The following TIAM2 variants were observed in gnomAD, a reference collection of about 807,000 sequenced individuals.
TIAM2 encodes rho guanine nucleotide exchange factor TIAM2.
TIAM2 carries 80 observed loss-of-function variants against 152.9 expected under a neutral mutation model. The observed-to-expected ratio is 0.52, with a 90% CI of 0.44 to 0.63. TIAM2 has a LOEUF of 0.63. Among genes scored for constraint, TIAM2 ranks in the 30% least tolerant of loss-of-function variants. The pLI is 0.00. For missense variants in TIAM2, 1,965 were observed against 2,120.1 expected, an observed-to-expected ratio of 0.93 and a Z score of 1.44; for synonymous variants, 804 against 838.0, an observed-to-expected ratio of 0.96 and a Z score of 0.70.
At chr6:155,063,106 T>C (rs1261879050) in intron 1 of TIAM2, among the ~76,000 whole-genome samples, 1 of 151,826 alleles carries the variant, frequency 6.6e-6, no homozygotes, top group Non-Finnish European at 1.5e-5. Flanking sequence ...TATTTTCTCC[T>C]AGTATGTGAC....
intron 1 of TIAM2, among the ~76,000 whole-genome samples, chr6:155,078,363 A>C (rs2114963149): frequency 6.6e-6 from 1 of 152,222 alleles, no homozygotes; most frequent in Non-Finnish European, 1.5e-5. Flanking sequence ...CACTTTAATG[A>C]AAAAAGCACA....
intron 15 of TIAM2, among the ~76,000 whole-genome samples, chr6:155,226,632 T>C (rs560026604): frequency 7.8e-6 from 1 of 128,254 alleles, no homozygotes; most frequent in Non-Finnish European, 1.5e-5. Context: ...GCCACTGCAC[T>C]CCAGCCTGAG....
At position 155,214,613 on chromosome 6, in the gene TIAM2, A is replaced by T. The variant is rs1241874609; in HGVS notation, c.3168+3306A>T. 6.6e-6 allele frequency among the ~76,000 whole-genome samples: 1 copy of T among 152,178 alleles called. No homozygotes were observed. The highest frequency in any genetic ancestry group is 6.5e-5 in the Admixed American group (1 of 15,280). ...TTCGCTGGCCTGGTTATGTCCCAGG[A>T]TGCAAGTTATTTTACAAAACTGAAA... On this transcript the variant is annotated intron_variant, in intron 15 of 26. Coordinates refer to ENST00000682666, the MANE Select transcript of TIAM2 (RefSeq NM_012454.4). This position sits in a 1 kb window ranked among gnomAD's most constrained non-coding sequence, Gnocchi z 5.4.
chr6:155,066,124 A>T (rs1013701063), intron 1 of TIAM2, among the ~76,000 whole-genome samples: 1 of 150,112 alleles, frequency 6.7e-6, no homozygotes, highest in Non-Finnish European at 1.5e-5. Flanking sequence ...GGCCTTCTCC[A>T]CTGAGACGGC....
intron 1 of TIAM2, among the ~76,000 whole-genome samples, chr6:155,004,447 G>C (rs1778365029): frequency 6.6e-6 from 1 of 152,140 alleles, no homozygotes; most frequent in Admixed American, 6.6e-5. Flanking sequence ...CTGGAGTGCA[G>C]TGACATGATC....
At chr6:155,235,283 T>C (rs1267163966) in intron 15 of TIAM2, among the ~76,000 whole-genome samples, 1 of 152,326 alleles carries the variant, frequency 6.6e-6, no homozygotes, top group South Asian at 2.1e-4. Flanking sequence ...CTTGATGGAA[T>C]AGGCATTCCT....
chr6:155,091,464 A>G (rs7740717), intron 2 of TIAM2, among the ~76,000 whole-genome samples: 2,882 of 152,298 alleles, frequency 0.019, 94 homozygotes, highest in African/African-American at 0.065. Context: ...AAATTGCTCA[A>G]TGTCACATGG....
Position 155,257,280 on chromosome 6 carries a change from T to A in TIAM2, c.*159T>A. ...ATGGTTGTAAAGATTTAAGTTATTT[T>A]AATTTATTGTGGATCAGAAACCTAG... On this transcript the variant is annotated 3_prime_UTR_variant, in exon 27 of 27. Coordinates refer to ENST00000682666, the MANE Select transcript of TIAM2 (RefSeq NM_012454.4). 1 of 825,958 alleles carries A rather than the reference T, an allele frequency of 1.2e-6. No individual in the cohort carries two copies. Among genetic ancestry groups the A allele is most frequent in the African/African-American group, 1.7e-5 (1 of 58,028 alleles). 51.2% of individuals were successfully genotyped at this position (825,958 alleles called of 1,614,324 possible). A position where few individuals can be genotyped will look rare whatever the true frequency, so the allele number is the denominator to read the frequency against.
chr6:155,104,050 C>CCCCCCACA (rs1778617598), intron 2 of TIAM2, among the ~76,000 whole-genome samples: 1 of 87,546 alleles, frequency 1.1e-5, no homozygotes, highest in African/African-American at 5.7e-5. Context: ...ACCCCCCCCC[C>CCCCCCACA]CACACCCCCA....
intron 4 of TIAM2, among the ~76,000 whole-genome samples, chr6:155,136,917 G>C (rs924603577): frequency 6.6e-6 from 1 of 152,160 alleles, no homozygotes; most frequent in East Asian, 1.9e-4. Flanking sequence ...CTAAGCATAG[G>C]TTAGATTTAG....
intron 2 of TIAM2, among the ~76,000 whole-genome samples, chr6:155,102,298 A>G (rs765100554): frequency 3.3e-5 from 5 of 152,158 alleles, no homozygotes; most frequent in Admixed American, 6.6e-5. Flanking sequence ...CCTAGAACTT[A>G]TATTTTTAAT....
chr6:155,092,344 C>T (rs1187843959), intron 2 of TIAM2, among the ~76,000 whole-genome samples: 47 of 146,536 alleles, frequency 3.2e-4, no homozygotes, highest in East Asian at 6.2e-4. Context: ...GTGATCCGCC[C>T]GTCTCAGCCT....
At chr6:155,048,722 T>A (rs970255319) in intron 1 of TIAM2, among the ~76,000 whole-genome samples, 6 of 151,974 alleles carry the variant, frequency 3.9e-5, no homozygotes, top group Non-Finnish European at 7.4e-5. Context: ...TTTCATAGTG[T>A]GGTCAATGGT....
Position 155,256,944 on chromosome 6 carries a change from G to A in TIAM2, c.4929G>A (p.Lys1643=), listed in dbSNP as rs1172136389. The change falls in exon 27 of 27, where the codon AAG becomes AAA. Residue 1643 remains lysine, a synonymous_variant. Transcript: ENST00000682666. ...CPIKRKANST[K]RDRGTLLKAQ... ...TTAAACGAAAAGCCAACAGCACCAA[G>A]AGGGACAGAGGAACTTTGCTCAAGG... The A allele has an allele frequency of 6.2e-6, 10 of 1,614,064 alleles. No individual in the cohort carries two copies. In the African/African-American group the frequency reaches 1.2e-4, roughly 19 times the overall value.
intron 23 of TIAM2, 26 bp from the exon 24 acceptor site, chr6:155,252,920 CTT>C (rs1337072266): frequency 1.9e-6 from 3 of 1,597,850 alleles, no homozygotes; most frequent in Non-Finnish European, 2.6e-6. Context: ...TTCCCTAACA[CTT>C]TTCTTGGTGG....
At chr6:155,062,269 G>T (rs890536659) in intron 1 of TIAM2, among the ~76,000 whole-genome samples, 1 of 152,000 alleles carries the variant, frequency 6.6e-6, no homozygotes, top group Non-Finnish European at 1.5e-5. Context: ...TCCAATTTTT[G>T]GCAACTATGA....
chr6:155,190,285 T>G (rs528680211), intron 14 of TIAM2, among the ~76,000 whole-genome samples: 1 of 152,356 alleles, frequency 6.6e-6, no homozygotes, highest in East Asian at 1.9e-4. Context: ...AGTATTGTCA[T>G]GTTGAATGAT....
rs868236717 is a variant in TIAM2, at chr6:155,240,584, G to A, written c.3223G>A (p.Gly1075Ser). 13 of 1,614,008 alleles carry A rather than the reference G, an allele frequency of 8.1e-6. No homozygotes were observed. The highest frequency in any genetic ancestry group is 5.3e-5 in the African/African-American group (4 of 74,946). Residue 1075 changes from glycine to serine, a missense_variant, in exon 16 of 27, where the codon GGC becomes AGC. By Grantham distance (56) the Gly-to-Ser change is moderately conservative (BLOSUM62 0). Coordinates refer to ENST00000682666, the MANE Select transcript of TIAM2 (RefSeq NM_012454.4). Reference sequence around the variant, plus strand: ...GAGTTTTAACGACAGTCAGGCCAACGGCATGGAAGGACCGCGGGAGAATCA... The same window carrying A: ...GAGTTTTAACGACAGTCAGGCCAACAGCATGGAAGGACCGCGGGAGAATCA... ...CRSFNDSQANGMEGPRENQDP... is the reference protein window; with the variant it reads ...CRSFNDSQANSMEGPRENQDP...
Position 155,129,031 on chromosome 6 carries a change from A to G in TIAM2, c.-6-187A>G. ...GACAGGTGTGCAGTGTTGTCTGTCT[A>G]GCTAATGAGCAGCCTTGCAAAATAA... On this transcript the variant is annotated intron_variant, in intron 3 of 26. Coordinates refer to ENST00000682666, the MANE Select transcript of TIAM2 (RefSeq NM_012454.4). This position sits in a 1 kb window ranked among gnomAD's most constrained non-coding sequence, Gnocchi z 4.8. The G allele has an allele frequency of 1.7e-6, 1 of 595,114 alleles. No individual in the cohort carries two copies. The highest frequency in any genetic ancestry group is 3.0e-6 in the Non-Finnish European group (1 of 336,554). 36.9% of individuals were successfully genotyped at this position (595,114 alleles called of 1,614,324 possible).
Sources: allele counts gnomAD v4.1 joint callset (sites outside exome capture counted in the v4.1 genomes callset), GRCh38; gene constraint gnomAD v4.1.1; non-coding constraint Gnocchi (gnomAD v3.1); transcripts MANE v1.5; gene names NCBI Gene and HGNC (gene_info 2026-07-23, HGNC 2026-07-21).